Variants in SPAG16 observed in about 807,000 individuals in gnomAD.
The protein encoded by SPAG16 is sperm associated antigen 16.
In SPAG16, 86 loss-of-function variants were observed where a neutral mutation model predicts 80.4. The ratio of observed to expected loss-of-function variants is 1.07; its 90% CI spans 0.90 to 1.28. The LOEUF is 1.28. SPAG16 is among the 50% of genes most tolerant of loss of function. SPAG16 has a pLI of 0.00. For synonymous variants in SPAG16, 294 were observed against 265.9 expected, an observed-to-expected ratio of 1.11 and a Z score of -1.03; for missense variants, 870 against 765.3, an observed-to-expected ratio of 1.14 and a Z score of -1.61.
chr2:213,681,487 C>T (rs1241103141), intron 10 of SPAG16, among the ~76,000 whole-genome samples: 2 of 152,090 alleles, frequency 1.3e-5, no homozygotes, highest in Non-Finnish European at 2.9e-5. Context: ...CTATGCTTTC[C>T]AGTTCCAATT....
chr2:213,575,468 A>G (rs1052561175), intron 10 of SPAG16, among the ~76,000 whole-genome samples: 2 of 152,198 alleles, frequency 1.3e-5, no homozygotes, highest in African/African-American at 4.8e-5. Flanking sequence ...TCTTATCCCC[A>G]TATTAATTAA....
intron 10 of SPAG16, among the ~76,000 whole-genome samples, chr2:213,714,760 G>C (rs1416918122): frequency 3.3e-5 from 5 of 152,140 alleles, no homozygotes; most frequent in African/African-American, 9.7e-5. Flanking sequence ...ACAGTTAAAT[G>C]ACTTGCCCAA....
At chr2:214,277,182 G>A (rs553126516) in intron 15 of SPAG16, among the ~76,000 whole-genome samples, 31 of 152,030 alleles carry the variant, frequency 2.0e-4, no homozygotes, top group African/African-American at 4.3e-4. Flanking sequence ...CCAGTTAGCC[G>A]TTTGTCTGAT....
chr2:213,855,305 A>G (rs1326871608), intron 10 of SPAG16, among the ~76,000 whole-genome samples: 1 of 152,194 alleles, frequency 6.6e-6, no homozygotes, highest in African/African-American at 2.4e-5. Context: ...AGAGGTGTTG[A>G]GCTAACTCTA....
At chr2:214,082,779 T>G (rs2051467185) in intron 13 of SPAG16, among the ~76,000 whole-genome samples, 1 of 152,230 alleles carries the variant, frequency 6.6e-6, no homozygotes, top group African/African-American at 2.4e-5. Flanking sequence ...GGCCTACCAT[T>G]ATGCTCAACA....
rs943456394 is a variant in SPAG16, at chr2:214,410,500, C to T, written c.*185C>T. The T allele has an allele frequency of 2.2e-6, 1 of 453,330 alleles. No individual in the cohort carries two copies. The highest frequency in any genetic ancestry group is 3.8e-5 in the Admixed American group (1 of 26,292). 28.1% of individuals were successfully genotyped at this position (453,330 alleles called of 1,614,324 possible). A position where few individuals can be genotyped will look rare whatever the true frequency, so the allele number is the denominator to read the frequency against. ...ACTAATAAAAAAATAACTTTATGCT[C>T]ACCCATTTGTGTCAGGGTCTTTTTT... On this transcript the variant is annotated 3_prime_UTR_variant, in exon 16 of 16. Transcript: ENST00000331683.
chr2:214,165,469 C>CTTTTTTTTTTTTT lies in SPAG16; in HGVS notation c.1720+16228_1720+16240dup, dbSNP rs67726428. 5.3e-5 allele frequency among the ~76,000 whole-genome samples: 2 copies of CTTTTTTTTTTTTT among 37,856 alleles called. 1 individual carries two copies. Among genetic ancestry groups the CTTTTTTTTTTTTT allele is most frequent in the African/African-American group, 2.8e-4 (2 of 7,174 alleles). 24.8% of individuals were successfully genotyped at this position (37,856 alleles called of 152,430 possible). On this transcript the variant is annotated intron_variant, in intron 15 of 15. Transcript: ENST00000331683. ...TTTAAAAATGCTTTGCATCACCATC[C>CTTTTTTTTTTTTT]TTTTTTTTTTTTTTTTTTTTTTTTT... is the stretch of plus-strand genomic sequence containing the variant.
At chr2:214,291,957 T>C (rs1693836929) in intron 15 of SPAG16, among the ~76,000 whole-genome samples, 1 of 152,216 alleles carries the variant, frequency 6.6e-6, no homozygotes, top group East Asian at 1.9e-4. Context: ...GGGCCATCAG[T>C]GTTTGCTTGT....
chr2:213,827,384 T>G (rs755801057), intron 10 of SPAG16, among the ~76,000 whole-genome samples: 7 of 152,054 alleles, frequency 4.6e-5, no homozygotes, highest in Non-Finnish European at 1.0e-4. Context: ...TGAAAATATC[T>G]GATAATCTAT....
chr2:214,161,151 C>T (rs192822079), intron 15 of SPAG16, among the ~76,000 whole-genome samples: 1 of 152,230 alleles, frequency 6.6e-6, no homozygotes, highest in East Asian at 1.9e-4. Context: ...TCTATGGCTG[C>T]ATAGTATTCC....
At chr2:214,399,211 C>T (rs1574511369) in intron 15 of SPAG16, among the ~76,000 whole-genome samples, 1 of 152,090 alleles carries the variant, frequency 6.6e-6, no homozygotes, top group Non-Finnish European at 1.5e-5. Context: ...ATTAATTTAG[C>T]CATTCCCAGT....
intron 15 of SPAG16, among the ~76,000 whole-genome samples, chr2:214,171,937 T>C (rs921717702): frequency 6.6e-6 from 1 of 151,962 alleles, no homozygotes; most frequent in African/African-American, 2.4e-5. Context: ...ATGGTTACTA[T>C]AGTGAAGCAG....
chr2:214,230,166 G>C (rs1488536675), intron 15 of SPAG16, among the ~76,000 whole-genome samples: 1 of 151,802 alleles, frequency 6.6e-6, no homozygotes, highest in Non-Finnish European at 1.5e-5. Context: ...AGTGATCAGG[G>C]TATTTTGTGT....
chr2:214,196,176 C>T (rs2057832843), intron 15 of SPAG16, among the ~76,000 whole-genome samples: 1 of 151,932 alleles, frequency 6.6e-6, no homozygotes, highest in Non-Finnish European at 1.5e-5. Flanking sequence ...AGATATAGGA[C>T]AGAAGGAAGA....
chr2:213,345,321 T>G (rs1439626494), intron 6 of SPAG16, among the ~76,000 whole-genome samples: 3 of 115,532 alleles, frequency 2.6e-5, no homozygotes, highest in East Asian at 4.8e-4. Flanking sequence ...TTTCTCCCAT[T>G]CTGTAGGTTG....
Position 213,747,394 on chromosome 2 carries a change from AGT to A in SPAG16, c.1071-115088_1071-115087del, listed in dbSNP as rs2067875331. On this transcript the variant is annotated intron_variant, in intron 10 of 15. Transcript: ENST00000331683. ...TAAATTTAGAGTAGCCTAAGTGTACAGTGTTTATAAAGTCGATAGTAATGTAC... is the reference window on the plus strand; with the variant it reads ...TAAATTTAGAGTAGCCTAAGTGTACAGTTTATAAAGTCGATAGTAATGTAC... Among the ~76,000 whole-genome samples the A allele has an allele frequency of 2.0e-5, 3 of 152,240 alleles. No homozygotes were observed. In the South Asian group the frequency reaches 6.2e-4, roughly 31 times the overall value.
chr2:213,379,136 C>A (rs2067036765), intron 9 of SPAG16, among the ~76,000 whole-genome samples: 1 of 152,130 alleles, frequency 6.6e-6, no homozygotes, highest in South Asian at 2.1e-4. Context: ...GACCTCTAGG[C>A]CAGCAGGATC....
At chr2:213,948,118 G>T (rs1159619417) in intron 12 of SPAG16, among the ~76,000 whole-genome samples, 1 of 151,908 alleles carries the variant, frequency 6.6e-6, no homozygotes, top group Non-Finnish European at 1.5e-5. Context: ...TTCCCTGTAG[G>T]CTCTTCTCCA....
At chr2:213,737,636 C>A (rs916874510) in intron 10 of SPAG16, among the ~76,000 whole-genome samples, 1 of 151,912 alleles carries the variant, frequency 6.6e-6, no homozygotes, top group East Asian at 1.9e-4. Context: ...TATAGGCGCC[C>A]GCCACCACGC....
Sources: allele counts gnomAD v4.1 joint callset (sites outside exome capture counted in the v4.1 genomes callset), GRCh38; gene constraint gnomAD v4.1.1; transcripts MANE v1.5; gene names NCBI Gene and HGNC (gene_info 2026-07-23, HGNC 2026-07-21).